Variants in CCDC201 observed in about 807,000 individuals in gnomAD.
CCDC201 encodes coiled-coil domain-containing protein 201.
chr7:45,878,681 T>C, the CCDC201 span, among the ~76,000 whole-genome samples: 46 of 152,364 alleles, frequency 3.0e-4, no homozygotes, highest in Non-Finnish European at 5.3e-4. Context: ...CACAAAGCCA[T>C]TTGCCCCTCC....
intron 1 of CCDC201, among the ~76,000 whole-genome samples, chr7:45,872,780 C>T (rs1209185890): frequency 1.3e-5 from 2 of 152,188 alleles, no homozygotes; most frequent in Admixed American, 1.3e-4. Flanking sequence ...CCCGAGGACC[C>T]CAGGGTGTTA....
intron 1 of CCDC201, among the ~76,000 whole-genome samples, chr7:45,870,022 G>T (rs974244161): frequency 2.0e-5 from 3 of 152,090 alleles, no homozygotes; most frequent in Admixed American, 6.6e-5. Context: ...TTGCCATGTT[G>T]TCCAGGCTGG....
At position 45,866,501 on chromosome 7, in the gene CCDC201, A is replaced by C. The variant is rs1786674043; in HGVS notation, c.19-7T>G. On this transcript the variant is annotated splice_polypyrimidine_tract_variant and splice_region_variant and intron_variant, in intron 1 of 2. Coordinates refer to ENST00000636578, the Ensembl canonical transcript of CCDC201. ...AGGAGCTCAATCCTAGATCCTGCAA[A>C]GTAAAAACAGAGTTTTGAGTCCTAG... 1 of 152,194 alleles carries C rather than the reference A, an allele frequency of 6.6e-6. No homozygotes were observed. The highest frequency in any genetic ancestry group is 1.5e-5 in the Non-Finnish European group (1 of 68,030). 9.4% of individuals were successfully genotyped at this position (152,194 alleles called of 1,614,324 possible). A position where few individuals can be genotyped will look rare whatever the true frequency, so the allele number is the denominator to read the frequency against.
chr7:45,868,290 A>G (rs778924776), intron 1 of CCDC201, among the ~76,000 whole-genome samples: 3 of 152,140 alleles, frequency 2.0e-5, no homozygotes, highest in Non-Finnish European at 4.4e-5. Flanking sequence ...TCCTCCAGAT[A>G]CAGAATAGTC....
chr7:45,879,547 C>T, the CCDC201 span, among the ~76,000 whole-genome samples: 1 of 152,174 alleles, frequency 6.6e-6, no homozygotes, highest in Non-Finnish European at 1.5e-5. Flanking sequence ...GCACCATCTT[C>T]ACGTGGCAGA....
At chr7:45,864,914 T>C (rs768113052) in intron 2 of CCDC201, among the ~76,000 whole-genome samples, 3 of 151,432 alleles carry the variant, frequency 2.0e-5, no homozygotes, top group Admixed American at 6.6e-5. Flanking sequence ...GAAGGAAAAG[T>C]AGGGGAAGGT....
chr7:45,869,835 TGAGACA>T (rs1471986405), intron 1 of CCDC201, among the ~76,000 whole-genome samples: 1 of 151,390 alleles, frequency 6.6e-6, no homozygotes, highest in African/African-American at 2.4e-5. Flanking sequence ...TTTTTTTTTT[TGAGACA>T]GAGTCTCGCT....
At chr7:45,868,556 T>A (rs537275288) in intron 1 of CCDC201, among the ~76,000 whole-genome samples, 1 of 152,190 alleles carries the variant, frequency 6.6e-6, no homozygotes, top group South Asian at 2.1e-4. Context: ...CCCTGGTCTG[T>A]GGCTTCTCCC....
At chr7:45,879,184 C>A in the CCDC201 span, among the ~76,000 whole-genome samples, 11 of 152,162 alleles carry the variant, frequency 7.2e-5, no homozygotes, top group African/African-American at 2.7e-4. Flanking sequence ...CTTAATTGTC[C>A]ATATCAGTAT....
At chr7:45,860,874 A>G (rs1394982099) in exon 3 of CCDC201, 1 of 152,246 alleles carries the variant, frequency 6.6e-6, no homozygotes, top group Non-Finnish European at 1.5e-5. Flanking sequence ...TTGCATTTTG[A>G]ACACTTTAAC....
upstream of CCDC201, among the ~76,000 whole-genome samples, chr7:45,877,793 A>C (rs1289786040): frequency 1.3e-5 from 2 of 152,178 alleles, no homozygotes; most frequent in Non-Finnish European, 2.9e-5. Flanking sequence ...GGCCCCTGTG[A>C]AATCTCATGC....
the CCDC201 span, among the ~76,000 whole-genome samples, chr7:45,878,906 T>C: frequency 6.6e-6 from 1 of 152,268 alleles, no homozygotes; most frequent in Non-Finnish European, 1.5e-5. Flanking sequence ...GCTTCTCTTT[T>C]AAAAATAATT....
At chr7:45,862,530 T>G (rs906624631) in exon 3 of CCDC201, 4 of 152,214 alleles carry the variant, frequency 2.6e-5, no homozygotes, top group African/African-American at 4.8e-5. Flanking sequence ...CCCTCACCAT[T>G]GGTGCTCCAA....
chr7:45,868,906 G>C (rs1249032238), intron 1 of CCDC201, among the ~76,000 whole-genome samples: 1 of 152,116 alleles, frequency 6.6e-6, no homozygotes, highest in Non-Finnish European at 1.5e-5. Flanking sequence ...TCTCCCTCTA[G>C]GTAGTTTCCT....
At chr7:45,864,279 C>T (rs558087948) in intron 2 of CCDC201, among the ~76,000 whole-genome samples, 18 of 152,252 alleles carry the variant, frequency 1.2e-4, no homozygotes, top group Admixed American at 2.6e-4. Flanking sequence ...AGCTGGGGGC[C>T]GCTGGGATGC....
chr7:45,866,071 T>A (rs1171431642), exon 2 of CCDC201: 1 of 166,788 alleles, frequency 6.0e-6, no homozygotes, highest in Non-Finnish European at 1.3e-5. Flanking sequence ...CGTCTCTTCC[T>A]CCCTGTTGTG....
chr7:45,870,031 G>A (rs1372954187), intron 1 of CCDC201, among the ~76,000 whole-genome samples: 1 of 152,080 alleles, frequency 6.6e-6, no homozygotes, highest in Non-Finnish European at 1.5e-5. Flanking sequence ...TGTCCAGGCT[G>A]GTCTCGAACA....
chr7:45,884,527 C>G, the CCDC201 span, among the ~76,000 whole-genome samples: 1 of 152,198 alleles, frequency 6.6e-6, no homozygotes, highest in Admixed American at 6.5e-5. Context: ...TGGTCCCCTG[C>G]CTGCTCCCCT....
At chr7:45,870,948 T>C (rs1175729688) in intron 1 of CCDC201, among the ~76,000 whole-genome samples, 4 of 152,190 alleles carry the variant, frequency 2.6e-5, no homozygotes, top group Non-Finnish European at 5.9e-5. Flanking sequence ...GAAGACAGAC[T>C]GGGACTTTTA....
Sources: allele counts gnomAD v4.1 joint callset (sites outside exome capture counted in the v4.1 genomes callset), GRCh38; gene constraint gnomAD v4.1.1; transcripts MANE v1.5; gene names NCBI Gene and HGNC (gene_info 2026-07-23, HGNC 2026-07-21).